The following GRM7 variants were observed in gnomAD, a reference collection of about 807,000 sequenced individuals.
GRM7 encodes glutamate metabotropic receptor 7, also known as metabotropic glutamate receptor 7.
Under a neutral mutation model 84.5 loss-of-function variants are expected in GRM7, and 35 were observed. The observed-to-expected ratio is 0.41, with a 90% CI of 0.32 to 0.55. The LOEUF is 0.55. Among genes scored for constraint, GRM7 ranks in the 20% least tolerant of loss-of-function variants. The pLI is 0.19. For missense variants in GRM7, 1,003 were observed against 1,194.6 expected, an observed-to-expected ratio of 0.84 and a Z score of 2.36; for synonymous variants, 487 against 455.1, an observed-to-expected ratio of 1.07 and a Z score of -0.89.
chr3:7,265,976 T>C (rs1698621353), intron 2 of GRM7, among the ~76,000 whole-genome samples: 1 of 152,092 alleles, frequency 6.6e-6, no homozygotes, highest in African/African-American at 2.4e-5. Flanking sequence ...AGCAAGACTG[T>C]GGTCAGTGCT....
intron 2 of GRM7, among the ~76,000 whole-genome samples, chr3:7,204,163 C>T (rs1050866044): frequency 6.6e-6 from 1 of 152,124 alleles, no homozygotes. Flanking sequence ...GGACTCTGGC[C>T]CTGTCCACCT....
intron 8 of GRM7, among the ~76,000 whole-genome samples, chr3:7,596,061 C>A (rs1186140606): frequency 6.6e-6 from 1 of 152,092 alleles, no homozygotes; most frequent in African/African-American, 2.4e-5. Context: ...AGGCAAAAGA[C>A]CATGGTAGCC....
chr3:7,088,043 C>T (rs1282761888), intron 1 of GRM7, among the ~76,000 whole-genome samples: 1 of 152,160 alleles, frequency 6.6e-6, no homozygotes, highest in Non-Finnish European at 1.5e-5. Context: ...CCTCACTTTT[C>T]CTATCCATAA....
At chr3:7,244,400 G>A (rs1013548752) in intron 2 of GRM7, among the ~76,000 whole-genome samples, 11 of 151,988 alleles carry the variant, frequency 7.2e-5, no homozygotes, top group Middle Eastern at 3.2e-3. Flanking sequence ...ATTACATGCT[G>A]ATCACTAAAA....
intron 2 of GRM7, among the ~76,000 whole-genome samples, chr3:7,267,649 G>A (rs1698693560): frequency 1.3e-5 from 2 of 152,222 alleles, no homozygotes; most frequent in African/African-American, 4.8e-5. Flanking sequence ...GCTAAGGTTA[G>A]GAGATAAAGT....
intron 1 of GRM7, among the ~76,000 whole-genome samples, chr3:7,017,590 G>A (rs1043041132): frequency 6.6e-6 from 1 of 152,120 alleles, no homozygotes; most frequent in Non-Finnish European, 1.5e-5. Flanking sequence ...TCCCGAATCC[G>A]ATGTCGATAA....
At chr3:7,368,753 C>CT (rs1475431583) in intron 4 of GRM7, among the ~76,000 whole-genome samples, 2 of 152,106 alleles carry the variant, frequency 1.3e-5, no homozygotes, top group Non-Finnish European at 2.9e-5. Flanking sequence ...CTGAACTGTT[C>CT]TTGGTATAGT....
intron 1 of GRM7, among the ~76,000 whole-genome samples, chr3:6,889,545 C>T (rs1695846922): frequency 6.6e-6 from 1 of 152,050 alleles, no homozygotes; most frequent in Admixed American, 6.6e-5. Context: ...TATTGATTTG[C>T]ATATATTGAA....
At chr3:7,478,867 C>T (rs2124933629) in intron 7 of GRM7, among the ~76,000 whole-genome samples, 1 of 152,294 alleles carries the variant, frequency 6.6e-6, no homozygotes, top group East Asian at 1.9e-4. Flanking sequence ...TTTTGTTTTA[C>T]TGACTCCATA....
At chr3:6,900,176 A>T (rs1696333604) in intron 1 of GRM7, among the ~76,000 whole-genome samples, 1 of 152,204 alleles carries the variant, frequency 6.6e-6, no homozygotes, top group Non-Finnish European at 1.5e-5. Flanking sequence ...AAAAGATCAA[A>T]TTACAAGCAG....
intron 1 of GRM7, among the ~76,000 whole-genome samples, chr3:7,064,179 C>T (rs1225633388): frequency 8.6e-5 from 13 of 150,988 alleles, no homozygotes; most frequent in Admixed American, 8.0e-4. Flanking sequence ...GATTTTGGTG[C>T]ACCTATCACC....
chr3:7,568,923 C>T (rs1321544653), intron 7 of GRM7, among the ~76,000 whole-genome samples: 1 of 152,104 alleles, frequency 6.6e-6, no homozygotes, highest in East Asian at 1.9e-4. Context: ...ACGAGCGCCG[C>T]CCCCTGCTCC....
chr3:7,127,351 A>T (rs1457302362), intron 1 of GRM7, among the ~76,000 whole-genome samples: 1 of 152,258 alleles, frequency 6.6e-6, no homozygotes, highest in African/African-American at 2.4e-5. Flanking sequence ...AAAAGATCGG[A>T]TGAGTTAATG....
intron 2 of GRM7, among the ~76,000 whole-genome samples, chr3:7,289,708 G>C (rs1432061968): frequency 6.6e-6 from 1 of 152,032 alleles, no homozygotes; most frequent in African/African-American, 2.4e-5. Context: ...GTCCTTTGTA[G>C]GGACATGGAT....
At chr3:7,180,230 T>C (rs546240982) in intron 2 of GRM7, among the ~76,000 whole-genome samples, 1 of 152,218 alleles carries the variant, frequency 6.6e-6, no homozygotes, top group South Asian at 2.1e-4. Context: ...CTTTTCGAAC[T>C]GTTGACAAAT....
intron 7 of GRM7, among the ~76,000 whole-genome samples, chr3:7,536,200 C>T (rs1413114930): frequency 2.0e-5 from 3 of 152,046 alleles, no homozygotes; most frequent in Non-Finnish European, 2.9e-5. Flanking sequence ...TTTGGGTTTC[C>T]GAATAAGTTT....
Position 7,162,729 on chromosome 3 carries a change from A to ATTTTTTTTTTTTTTTTTTTTTTTTT in GRM7, c.736+16085_736+16109dup, listed in dbSNP as rs71063284. On this transcript the variant is annotated intron_variant, in intron 2 of 9. Coordinates refer to ENST00000357716, the MANE Select transcript of GRM7 (RefSeq NM_000844.4). ...CAATCTCCCATTACTCCCATTTTTC[A>ATTTTTTTTTTTTTTTTTTTTTTTTT]TTTTTTTTTTTTTTTTTTTTTTTTT... is the stretch of plus-strand genomic sequence containing the variant. Among the ~76,000 whole-genome samples the ATTTTTTTTTTTTTTTTTTTTTTTTT allele has an allele frequency of 3.7e-5, 2 of 54,718 alleles. 1 individual carries two copies. Among genetic ancestry groups the ATTTTTTTTTTTTTTTTTTTTTTTTT allele is most frequent in the Non-Finnish European group, 7.8e-5 (2 of 25,686 alleles). The allele number at this position is 54,718 out of a possible 152,430, so 35.9% of individuals were successfully genotyped here.
chr3:7,602,296 G>A (rs1275543635), intron 8 of GRM7, among the ~76,000 whole-genome samples: 1 of 152,038 alleles, frequency 6.6e-6, no homozygotes, highest in Non-Finnish European at 1.5e-5. Flanking sequence ...CTAGTCAGGT[G>A]ACACTTGTGA....
rs77304463 is a variant in GRM7 at position 7,465,219 on chromosome 3, G to A, written c.1515+3497G>A. Among the ~76,000 whole-genome samples, 1,085 of 152,178 alleles carry A rather than the reference G, an allele frequency of 7.1e-3. 7 individuals carry two copies. Among genetic ancestry groups the A allele is most frequent in the South Asian group, 0.02 (96 of 4,812 alleles). ...GTGATGTGTTAGGAAAAACAGGCACGCTCAGGTGGATGCAGTAGTTTATAC... is the reference window on the plus strand; with the variant it reads ...GTGATGTGTTAGGAAAAACAGGCACACTCAGGTGGATGCAGTAGTTTATAC... On this transcript the variant is annotated intron_variant, in intron 7 of 9. Coordinates refer to ENST00000357716, the MANE Select transcript of GRM7 (RefSeq NM_000844.4).
Sources: allele counts gnomAD v4.1 joint callset (sites outside exome capture counted in the v4.1 genomes callset), GRCh38; gene constraint gnomAD v4.1.1; transcripts MANE v1.5; gene names NCBI Gene and HGNC (gene_info 2026-07-23, HGNC 2026-07-21).